Variants in TRAPPC9 observed in about 807,000 individuals in gnomAD.
TRAPPC9 encodes the protein IKK2 binding protein.
Under a neutral mutation model 124.0 loss-of-function variants are expected in TRAPPC9, and 83 were observed. That is an observed-to-expected ratio of 0.67 (90% CI 0.56 to 0.80). The LOEUF is 0.80. Among genes scored for constraint, TRAPPC9 ranks in the 30% least tolerant of loss-of-function variants. The pLI, the probability that TRAPPC9 is intolerant of heterozygous loss-of-function variation, is 0.00. For missense variants in TRAPPC9, 1,302 were observed against 1,508.3 expected (o/e 0.86, Z 2.27); for synonymous variants, 638 against 617.5 (o/e 1.03, Z -0.49).
At chr8:140,168,074 C>T (rs2061880541) in intron 17 of TRAPPC9, among the ~76,000 whole-genome samples, 1 of 152,222 alleles carries the variant, frequency 6.6e-6, no homozygotes, top group Non-Finnish European at 1.5e-5. Context: ...TCCCACTCCC[C>T]AAACCCCAGC....
intron 17 of TRAPPC9, among the ~76,000 whole-genome samples, chr8:140,032,412 C>G (rs976882002): frequency 2.0e-5 from 3 of 152,026 alleles, no homozygotes; most frequent in African/African-American, 4.8e-5. Context: ...TTCCTCCCCC[C>G]CCACCCTCCT....
chr8:139,829,773 C>T (rs183785349), intron 21 of TRAPPC9, among the ~76,000 whole-genome samples: 33 of 152,360 alleles, frequency 2.2e-4, no homozygotes, highest in Non-Finnish European at 4.4e-5. Context: ...TGGACATCTG[C>T]TCCTTACTGT....
At chr8:140,276,349 C>T (rs755753761) in intron 14 of TRAPPC9, among the ~76,000 whole-genome samples, 7 of 152,276 alleles carry the variant, frequency 4.6e-5, no homozygotes, top group Non-Finnish European at 8.8e-5. Flanking sequence ...GTAAGGAATG[C>T]CCACCAACAC....
At chr8:140,344,903 A>C (rs965541886) in intron 9 of TRAPPC9, among the ~76,000 whole-genome samples, 3 of 152,242 alleles carry the variant, frequency 2.0e-5, no homozygotes, top group African/African-American at 7.2e-5. Flanking sequence ...AGCCGTGGTC[A>C]TATCTGGGAT....
chr8:139,797,321 G>A (rs1362042822), intron 21 of TRAPPC9, among the ~76,000 whole-genome samples: 2 of 152,050 alleles, frequency 1.3e-5, no homozygotes, highest in African/African-American at 2.4e-5. Context: ...GTGCAGTGGC[G>A]TGATCTTGGC....
chr8:140,037,150 A>G (rs1319986776), intron 17 of TRAPPC9, among the ~76,000 whole-genome samples: 1 of 152,130 alleles, frequency 6.6e-6, no homozygotes, highest in African/African-American at 2.4e-5. Context: ...AGTTAATAGC[A>G]CCCACTGTGA....
At chr8:139,879,170 T>A (rs1461960831) in intron 21 of TRAPPC9, among the ~76,000 whole-genome samples, 1 of 152,022 alleles carries the variant, frequency 6.6e-6, no homozygotes, top group African/African-American at 2.4e-5. Context: ...CCTTAGTTCA[T>A]CCTTGGAGGG....
At chr8:140,131,745 T>A (rs546910249) in intron 17 of TRAPPC9, among the ~76,000 whole-genome samples, 1 of 152,302 alleles carries the variant, frequency 6.6e-6, no homozygotes, top group Non-Finnish European at 1.5e-5. Context: ...GTCCTCTCCA[T>A]CCAGACAATC....
At chr8:139,796,131 GAGA>G (rs199646825) in intron 21 of TRAPPC9, among the ~76,000 whole-genome samples, 137 of 150,852 alleles carry the variant, frequency 9.1e-4, no homozygotes, top group African/African-American at 3.1e-3. Context: ...GGAGGAAGAG[GAGA>G]AGGAGGAGGA....
rs972470615 is a variant in TRAPPC9, at chr8:139,910,213, C to T, written c.2898G>A (p.Leu966=). 2 of 1,614,086 alleles carry T rather than the reference C, an allele frequency of 1.2e-6. No homozygotes were observed. The highest frequency in any genetic ancestry group is 1.7e-5 in the Admixed American group (1 of 60,000). ...CTCGGGCTTCCCGCCGCTCTTCCTC[C>T]AGCTGCTTGGGGTTTGCAAATTGCC... is the stretch of plus-strand genomic sequence containing the variant. ...EKGQFANPKQ[L]EEERREARGL... Residue 966 remains leucine, a synonymous_variant, in exon 20 of 23, where the codon CTG becomes CTA. Coordinates refer to ENST00000438773, the MANE Select transcript of TRAPPC9 (RefSeq NM_001160372.4).
At chr8:140,035,528 C>T (rs148721781) in intron 17 of TRAPPC9, among the ~76,000 whole-genome samples, 15 of 152,308 alleles carry the variant, frequency 9.8e-5, no homozygotes, top group East Asian at 5.8e-4. Context: ...GTTAGGTGGC[C>T]GGCCCCTGCC....
At chr8:139,871,335 C>T (rs1438801881) in intron 21 of TRAPPC9, among the ~76,000 whole-genome samples, 2 of 152,212 alleles carry the variant, frequency 1.3e-5, no homozygotes, top group Non-Finnish European at 2.9e-5. Flanking sequence ...CTACTTGCCA[C>T]TCTATGGAGA....
chr8:139,887,468 C>T (rs1027177184), intron 20 of TRAPPC9, among the ~76,000 whole-genome samples: 2 of 152,192 alleles, frequency 1.3e-5, no homozygotes, highest in Non-Finnish European at 2.9e-5. Context: ...AAGTGATCTG[C>T]CCATTTTGGC....
In TRAPPC9 at chr8:140,341,444, T is replaced by A. The variant is rs187977606; in HGVS notation, c.1495+18606A>T. Among the ~76,000 whole-genome samples the A allele has an allele frequency of 4.0e-3, 610 of 152,228 alleles. 8 individuals carry two copies. The highest frequency in any genetic ancestry group is 0.014 in the African/African-American group (576 of 41,528). On this transcript the variant is annotated intron_variant, in intron 9 of 22. Coordinates refer to ENST00000438773, the MANE Select transcript of TRAPPC9 (RefSeq NM_001160372.4). Reference sequence around the variant, plus strand: ...GTGACCTGCAACAACCAATCAGAACTCAGCAAGTCTGAAACCTTCAAGTAC... The same window carrying A: ...GTGACCTGCAACAACCAATCAGAACACAGCAAGTCTGAAACCTTCAAGTAC...
intron 10 of TRAPPC9, among the ~76,000 whole-genome samples, chr8:140,310,876 G>C (rs1260156739): frequency 6.6e-6 from 1 of 151,966 alleles, no homozygotes; most frequent in Non-Finnish European, 1.5e-5. Context: ...GTGTGGCTGG[G>C]GTGCATGGCC....
chr8:140,274,229 A>G (rs1417297695), intron 15 of TRAPPC9, among the ~76,000 whole-genome samples: 1 of 152,032 alleles, frequency 6.6e-6, no homozygotes, highest in Non-Finnish European at 1.5e-5. Context: ...GAAAAAAAAA[A>G]CCCACAGAAA....
intron 17 of TRAPPC9, among the ~76,000 whole-genome samples, chr8:140,134,095 T>C (rs556836807): frequency 6.6e-6 from 1 of 152,178 alleles, no homozygotes; most frequent in African/African-American, 2.4e-5. Context: ...AAAAACAATA[T>C]TGAAAAAAAG....
rs1481135330 is a variant in TRAPPC9 at position 140,021,079 on chromosome 8, G to C, written c.2699+2858C>G. Among the ~76,000 whole-genome samples, 3 of 152,276 alleles carry C rather than the reference G, an allele frequency of 2.0e-5. No homozygotes were observed. The East Asian group carries it at 5.8e-4, about 29-fold the overall frequency. ...TTGACAATCTCCATTTTTAAAGGTA[G>C]TATTAAATCTATTTACGTTTAGTGT... On this transcript the variant is annotated intron_variant, in intron 18 of 22. Coordinates refer to ENST00000438773, the MANE Select transcript of TRAPPC9 (RefSeq NM_001160372.4).
intron 19 of TRAPPC9, among the ~76,000 whole-genome samples, chr8:139,960,539 C>A (rs1587348625): frequency 6.6e-6 from 1 of 152,362 alleles, no homozygotes; most frequent in Non-Finnish European, 1.5e-5. Flanking sequence ...TCCACTACTA[C>A]CCGTATCTGT....
Sources: allele counts gnomAD v4.1 joint callset (sites outside exome capture counted in the v4.1 genomes callset), GRCh38; gene constraint gnomAD v4.1.1; transcripts MANE v1.5; gene names NCBI Gene and HGNC (gene_info 2026-07-23, HGNC 2026-07-21).